PTPRN2: variants seen among roughly 807,000 people sequenced by gnomAD.
The protein encoded by PTPRN2 is receptor-type tyrosine-protein phosphatase N2.
Under a neutral mutation model 118.8 loss-of-function variants are expected in PTPRN2, and 74 were observed. The ratio of observed to expected loss-of-function variants is 0.62; its 90% CI spans 0.52 to 0.76. The LOEUF (loss-of-function observed/expected upper bound fraction) is 0.76, where lower values mean the gene tolerates loss of function less well. PTPRN2 is among the 30% of genes least tolerant of loss of function. PTPRN2 has a pLI of 0.00. For missense variants in PTPRN2, 1,481 were observed against 1,394.4 expected, an observed-to-expected ratio of 1.06 and a Z score of -0.99; for synonymous variants, 641 against 608.0, an observed-to-expected ratio of 1.05 and a Z score of -0.80.
At chr7:158,165,302 C>T (rs550491325) in intron 6 of PTPRN2, among the ~76,000 whole-genome samples, 111 of 152,300 alleles carry the variant, frequency 7.3e-4, no homozygotes, top group Non-Finnish European at 2.4e-4. Context: ...GAGGAGACGT[C>T]GTCCCAGAGG....
Position 158,276,418 on chromosome 7 carries a change from A to G in PTPRN2, c.277+40401T>C, listed in dbSNP as rs12698199. ...TATCACCCCCCACACCCCGGCCCCG[A>G]CAGGCTGTAAGGCAGCACCCCCACA... On this transcript the variant is annotated intron_variant, in intron 3 of 22. Coordinates refer to ENST00000389418, the MANE Select transcript of PTPRN2 (RefSeq NM_002847.5). 3.4e-3 allele frequency among the ~76,000 whole-genome samples: 48 copies of G among 14,016 alleles called. 2 individuals carry two copies. The highest frequency in any genetic ancestry group is 5.8e-3 in the Admixed American group (7 of 1,206). The allele number at this position is 14,016 out of a possible 152,430, so 9.2% of individuals were successfully genotyped here.
At chr7:158,393,535 G>T (rs1248723152) in intron 2 of PTPRN2, among the ~76,000 whole-genome samples, 1 of 152,156 alleles carries the variant, frequency 6.6e-6, no homozygotes, top group Non-Finnish European at 1.5e-5. Flanking sequence ...ACAACATAAA[G>T]GTCTCAGGCC....
intron 11 of PTPRN2, among the ~76,000 whole-genome samples, chr7:157,940,315 T>G (rs1799970609): frequency 6.6e-6 from 1 of 152,178 alleles, no homozygotes; most frequent in Non-Finnish European, 1.5e-5. Flanking sequence ...CTCCTTACTT[T>G]CAAAGCAAAC....
intron 4 of PTPRN2, among the ~76,000 whole-genome samples, chr7:158,200,392 G>A (rs1826544609): frequency 6.6e-6 from 1 of 152,204 alleles, no homozygotes; most frequent in Non-Finnish European, 1.5e-5. Context: ...GCCCCCGTGT[G>A]CTAAGCAGCA....
chr7:158,455,210 AT>A (rs1390997724), intron 2 of PTPRN2, among the ~76,000 whole-genome samples: 1 of 152,250 alleles, frequency 6.6e-6, no homozygotes, highest in Non-Finnish European at 1.5e-5. Flanking sequence ...CACGGACGCC[AT>A]CGGCCACGGC....
chr7:158,380,928 C>T (rs916629968), intron 2 of PTPRN2, among the ~76,000 whole-genome samples: 1 of 152,276 alleles, frequency 6.6e-6, no homozygotes, highest in African/African-American at 2.4e-5. Context: ...GCTTGCCCCC[C>T]TCTGAAGCCA....
chr7:158,066,293 C>T (rs79827624), intron 11 of PTPRN2, among the ~76,000 whole-genome samples: 3,186 of 152,300 alleles, frequency 0.021, 87 homozygotes, highest in African/African-American at 0.065. Flanking sequence ...TCAAGGCCTT[C>T]TCTGCAAACA....
intron 21 of PTPRN2, among the ~76,000 whole-genome samples, chr7:157,549,323 T>TC (rs1798479239): frequency 2.3e-5 from 1 of 43,934 alleles, no homozygotes; most frequent in Non-Finnish European, 5.8e-5. Flanking sequence ...CTTTCTTTTC[T>TC]TTTTTTTTTT....
chr7:158,240,255 AAG>A (rs10532382), intron 3 of PTPRN2, among the ~76,000 whole-genome samples: 118,799 of 151,392 alleles, frequency 0.78, 46,870 homozygotes, highest in African/African-American at 0.82. Flanking sequence ...TATACCAAAA[AAG>A]AGAGAGAGAG....
At chr7:157,804,816 C>G (rs1292654155) in intron 12 of PTPRN2, among the ~76,000 whole-genome samples, 2 of 152,220 alleles carry the variant, frequency 1.3e-5, no homozygotes, top group East Asian at 3.8e-4. Context: ...CTCCCAGCCC[C>G]CCTTCTCCCA....
chr7:157,690,876 G>C lies in PTPRN2; in HGVS notation c.1789-7939C>G, dbSNP rs1797447857. 6.9e-6 allele frequency among the ~76,000 whole-genome samples: 1 copy of C among 145,936 alleles called. No individual in the cohort carries two copies. Among genetic ancestry groups the C allele is most frequent in the South Asian group, 2.1e-4 (1 of 4,784 alleles). ...TGCTCCGCCCCGGCCCGGCCCCCGG[G>C]CTAGGCACGCTGGGCCGGGGCGCGG... On this transcript the variant is annotated intron_variant, in intron 12 of 22. Coordinates refer to ENST00000389418, the MANE Select transcript of PTPRN2 (RefSeq NM_002847.5). This position sits in a 1 kb window ranked among gnomAD's most constrained non-coding sequence, Gnocchi z 7.1.
chr7:158,397,533 AAT>A (rs1045361660), intron 2 of PTPRN2, among the ~76,000 whole-genome samples: 1 of 152,186 alleles, frequency 6.6e-6, no homozygotes, highest in African/African-American at 2.4e-5. Context: ...CTTCCAGAGA[AAT>A]AGTGTGTCCT....
chr7:158,006,835 AC>A (rs1013588777), intron 11 of PTPRN2, among the ~76,000 whole-genome samples: 3 of 152,252 alleles, frequency 2.0e-5, no homozygotes, highest in Admixed American at 2.0e-4. Context: ...AAGACAGGAA[AC>A]CCCATGGACA....
chr7:158,330,543 C>T (rs375505656), intron 2 of PTPRN2, among the ~76,000 whole-genome samples: 1,784 of 17,078 alleles, frequency 0.1, no homozygotes, highest in African/African-American at 0.2. Context: ...AGCTGACACC[C>T]GCAGACGTCA....
intron 11 of PTPRN2, among the ~76,000 whole-genome samples, chr7:158,067,181 T>G (rs867820763): frequency 3.3e-5 from 5 of 152,222 alleles, no homozygotes; most frequent in Non-Finnish European, 7.3e-5. Context: ...GCAATTCTTA[T>G]TTCCACGTAT....
At chr7:158,089,099 A>AC (rs1197140760) in intron 10 of PTPRN2, among the ~76,000 whole-genome samples, 1 of 9,726 alleles carries the variant, frequency 1.0e-4, no homozygotes, top group African/African-American at 2.1e-4. Flanking sequence ...GTCTTCACAC[A>AC]AACCTTCTTC....
rs1439585294 is a variant in PTPRN2, at chr7:158,133,908, G to A, written c.1325C>T (p.Ala442Val). The change falls in exon 9 of 23, where the codon GCC becomes GTC. Residue 442 changes from alanine (A) to valine (V), a missense_variant. Ala to Val is a moderately conservative substitution (Grantham distance 64). This residue lies in a region of PTPRN2 where 1,115 missense variants were observed against 994.2 expected (regional missense o/e 1.12). Transcript: ENST00000389418. ...ESSLSSEEET[A>V]GVENVKSQTY... ...CTGGCTCTTGACGTTCTCCACTCCGGCAGTCTCCTCTTCTGAAGACAGGGA... is the reference window on the plus strand; with the variant it reads ...CTGGCTCTTGACGTTCTCCACTCCGACAGTCTCCTCTTCTGAAGACAGGGA... 5 of 1,613,956 alleles carry A rather than the reference G, an allele frequency of 3.1e-6. No homozygotes were observed. Among genetic ancestry groups the A allele is most frequent in the South Asian group, 2.2e-5 (2 of 91,084 alleles).
chr7:157,730,948 C>T (rs985111156), intron 12 of PTPRN2, among the ~76,000 whole-genome samples: 4 of 152,192 alleles, frequency 2.6e-5, no homozygotes, highest in Non-Finnish European at 5.9e-5. Context: ...CAACTCCCCA[C>T]CCAATGCCCC....
chr7:158,095,075 C>A, intron 10 of PTPRN2, among the ~76,000 whole-genome samples: 1 of 152,044 alleles, frequency 6.6e-6, no homozygotes, highest in Non-Finnish European at 1.5e-5. Flanking sequence ...TTATATTCCT[C>A]CCTGCCCTGG....
Sources: gnomAD v4.1 joint callset for allele counts (sites outside exome capture counted in the v4.1 genomes callset) on GRCh38, gnomAD v4.1.1 for gene constraint, gnomAD v4.1.1 regional missense constraint, Gnocchi (gnomAD v3.1) non-coding constraint, MANE v1.5 for transcripts, NCBI Gene and HGNC (gene_info 2026-07-23, HGNC 2026-07-21) for gene names.